Variants in ASIC2 observed in about 807,000 individuals in gnomAD.
ASIC2 encodes acid sensing ion channel subunit 2.
Under a neutral mutation model 57.3 loss-of-function variants are expected in ASIC2, and 25 were observed. That is an observed-to-expected ratio of 0.44 (90% CI 0.32 to 0.61). ASIC2 has a LOEUF of 0.61. Ranked by LOEUF, ASIC2 falls within the 20% of genes least tolerant of loss-of-function variation. The pLI, the probability that ASIC2 is intolerant of heterozygous loss-of-function variation, is 0.06. For synonymous variants in ASIC2, 319 were observed against 307.5 expected, an observed-to-expected ratio of 1.04 and a Z score of -0.39; for missense variants, 641 against 738.1, an observed-to-expected ratio of 0.87 and a Z score of 1.52.
At chr17:33,379,034 T>C (rs557373843) in intron 1 of ASIC2, among the ~76,000 whole-genome samples, 1 of 152,310 alleles carries the variant, frequency 6.6e-6, no homozygotes, top group African/African-American at 2.4e-5. Flanking sequence ...TAACTAAAAA[T>C]TATCCACAGG....
chr17:33,346,060 T>C (rs2656090), intron 1 of ASIC2, among the ~76,000 whole-genome samples: 151,924 of 151,924 alleles, frequency 1, 75,962 homozygotes, highest in Non-Finnish European at 1. Context: ...AACCCCATCT[T>C]TACTAAAAAT....
At chr17:33,963,617 T>G (rs1408719340) in intron 1 of ASIC2, among the ~76,000 whole-genome samples, 1 of 151,646 alleles carries the variant, frequency 6.6e-6, no homozygotes, top group South Asian at 2.1e-4. Context: ...TGTTATATTA[T>G]ATATTATGTA....
At chr17:33,410,196 T>A (rs1311044659) in intron 1 of ASIC2, among the ~76,000 whole-genome samples, 1 of 152,054 alleles carries the variant, frequency 6.6e-6, no homozygotes, top group African/African-American at 2.4e-5. Flanking sequence ...TCTTACCAGA[T>A]ACCATTTCCA....
intron 1 of ASIC2, among the ~76,000 whole-genome samples, chr17:33,356,630 C>T (rs1044729758): frequency 1.3e-5 from 2 of 152,138 alleles, no homozygotes; most frequent in South Asian, 2.1e-4. Context: ...TAACACGGAG[C>T]GTGTTAACCT....
chr17:33,654,810 A>G (rs1389155509), intron 1 of ASIC2, among the ~76,000 whole-genome samples: 1 of 152,246 alleles, frequency 6.6e-6, no homozygotes. Flanking sequence ...TAAGCCAGCC[A>G]TAGAATGAGT....
intron 1 of ASIC2, among the ~76,000 whole-genome samples, chr17:34,049,228 G>A (rs528789224): frequency 6.6e-6 from 1 of 152,132 alleles, no homozygotes; most frequent in Non-Finnish European, 1.5e-5. Flanking sequence ...GGAGATCGAG[G>A]CCACAGTGAA....
Position 33,370,806 on chromosome 17 carries a change from A to G in ASIC2, c.556-258739T>C, listed in dbSNP as rs113846286. On this transcript the variant is annotated intron_variant, in intron 1 of 9. Transcript: ENST00000359872. ...CTTGGGCAAGTTCCTGGCTCTGAGC[A>G]TGTACACGTGTTACCGGAAAGGGGT... 1.2e-4 allele frequency among the ~76,000 whole-genome samples: 18 copies of G among 152,372 alleles called. No individual in the cohort carries two copies. The East Asian group carries it at 3.5e-3, about 29-fold the overall frequency.
chr17:33,735,154 C>T (rs925428417), intron 1 of ASIC2, among the ~76,000 whole-genome samples: 3 of 152,108 alleles, frequency 2.0e-5, no homozygotes, highest in Non-Finnish European at 2.9e-5. Flanking sequence ...TCTTCACCCT[C>T]ATACTCTGTC....
At chr17:34,032,004 A>G (rs189110577) in intron 1 of ASIC2, among the ~76,000 whole-genome samples, 13 of 152,324 alleles carry the variant, frequency 8.5e-5, no homozygotes, top group Admixed American at 3.3e-4. Flanking sequence ...TTCAGGAAAT[A>G]CAGAGAATGC....
intron 1 of ASIC2, among the ~76,000 whole-genome samples, chr17:33,252,677 G>A (rs150569847): frequency 3.9e-5 from 6 of 151,960 alleles, no homozygotes; most frequent in African/African-American, 1.4e-4. Flanking sequence ...ACCTGATCTC[G>A]TGTGTCCCTT....
chr17:33,496,276 A>G (rs1913928083), intron 1 of ASIC2, among the ~76,000 whole-genome samples: 1 of 152,186 alleles, frequency 6.6e-6, no homozygotes, highest in Non-Finnish European at 1.5e-5. Flanking sequence ...AATTTCTCCA[A>G]GCAGTTTTTC....
At chr17:33,185,739 A>G (rs1404469508) in intron 1 of ASIC2, among the ~76,000 whole-genome samples, 3 of 152,166 alleles carry the variant, frequency 2.0e-5, no homozygotes, top group Admixed American at 2.0e-4. Flanking sequence ...TGAGGAAACC[A>G]CTAAGGCCGA....
At chr17:33,823,825 C>G (rs564997882) in intron 1 of ASIC2, among the ~76,000 whole-genome samples, 1 of 152,270 alleles carries the variant, frequency 6.6e-6, no homozygotes, top group African/African-American at 2.4e-5. Context: ...TAACTCTATC[C>G]CATGCCCATG....
chr17:33,519,933 A>G (rs1272393153), intron 1 of ASIC2, among the ~76,000 whole-genome samples: 1 of 152,212 alleles, frequency 6.6e-6, no homozygotes, highest in African/African-American at 2.4e-5. Context: ...GCACCAGGTG[A>G]TTTCAGAACA....
At chr17:33,187,949 A>G (rs944015878) in intron 1 of ASIC2, among the ~76,000 whole-genome samples, 1 of 151,728 alleles carries the variant, frequency 6.6e-6, no homozygotes, top group African/African-American at 2.4e-5. Flanking sequence ...AAAAGAAAAA[A>G]CAGAAAACTA....
chr17:33,285,156 C>T (rs536115014), intron 1 of ASIC2, among the ~76,000 whole-genome samples: 2 of 152,246 alleles, frequency 1.3e-5, no homozygotes, highest in East Asian at 3.8e-4. Context: ...CTCCATTGGG[C>T]AGACATTTGA....
At chr17:33,416,366 C>T (rs772678928) in intron 1 of ASIC2, among the ~76,000 whole-genome samples, 4 of 152,022 alleles carry the variant, frequency 2.6e-5, no homozygotes, top group Admixed American at 6.5e-5. Context: ...CCTCTTTTTT[C>T]GATTTGCACT....
intron 1 of ASIC2, among the ~76,000 whole-genome samples, chr17:33,584,111 G>A (rs992160714): frequency 6.6e-6 from 1 of 152,148 alleles, no homozygotes; most frequent in African/African-American, 2.4e-5. Flanking sequence ...TTGATTAATT[G>A]AAATTGCTAA....
intron 1 of ASIC2, among the ~76,000 whole-genome samples, chr17:33,399,299 T>G (rs1457381152): frequency 6.6e-6 from 1 of 152,210 alleles, no homozygotes; most frequent in Non-Finnish European, 1.5e-5. Flanking sequence ...AAAGGATCTC[T>G]GACAACCTGT....
Sources: allele counts gnomAD v4.1 joint callset (sites outside exome capture counted in the v4.1 genomes callset), GRCh38; gene constraint gnomAD v4.1.1; transcripts MANE v1.5; gene names NCBI Gene and HGNC (gene_info 2026-07-23, HGNC 2026-07-21).